RHCE: variants seen among roughly 807,000 people sequenced by gnomAD.
RHCE encodes the protein Rh blood group CcEe antigens, also known as blood group Rh(CE) polypeptide.
RHCE carries 22 observed loss-of-function variants against 43.8 expected under a neutral mutation model. The ratio of observed to expected loss-of-function variants is 0.50; its 90% CI spans 0.36 to 0.72. RHCE has a LOEUF of 0.72. RHCE is among the 30% of genes least tolerant of loss of function. RHCE has a pLI of 0.00. For missense variants in RHCE, 385 were observed against 525.4 expected (o/e 0.73, Z 2.61); for synonymous variants, 156 against 210.7 (o/e 0.74, Z 2.25).
At chr1:25,401,388 C>T (rs927045863) in intron 3 of RHCE, among the ~76,000 whole-genome samples, 44 of 152,144 alleles carry the variant, frequency 2.9e-4, no homozygotes, top group Admixed American at 8.5e-4. Context: ...TTCTTCTAAG[C>T]CAGGCTGGAA....
intron 3 of RHCE, among the ~76,000 whole-genome samples, chr1:25,395,615 G>A (rs963669993): frequency 2.0e-5 from 3 of 152,058 alleles, no homozygotes; most frequent in Middle Eastern, 3.4e-3. Context: ...GAAAGCTCTG[G>A]TGACATTTTC....
intron 3 of RHCE, chr1:25,399,295 A>C (rs532870745): frequency 1.2e-6 from 1 of 832,756 alleles, no homozygotes; most frequent in East Asian, 2.5e-5. Context: ...AATAACAGAT[A>C]AGTCCATTGG....
chr1:25,412,157 G>A (rs1178521881), intron 1 of RHCE, among the ~76,000 whole-genome samples: 5 of 152,190 alleles, frequency 3.3e-5, no homozygotes, highest in Non-Finnish European at 5.9e-5. Context: ...CAAACATGCC[G>A]GCAGCAGAGC....
intron 1 of RHCE, among the ~76,000 whole-genome samples, chr1:25,412,579 G>A (rs1647114874): frequency 6.6e-6 from 1 of 152,128 alleles, no homozygotes; most frequent in Non-Finnish European, 1.5e-5. Context: ...GGGCGTGGTG[G>A]CAAGTGCCTG....
chr1:25,380,962 C>T (rs1477349845), intron 7 of RHCE, among the ~76,000 whole-genome samples: 4 of 139,982 alleles, frequency 2.9e-5, no homozygotes, highest in African/African-American at 5.5e-5. Context: ...AGTGCAGTGG[C>T]GCGATCTCGG....
chr1:25,382,364 G>A (rs1646026949), intron 7 of RHCE, among the ~76,000 whole-genome samples: 1 of 149,212 alleles, frequency 6.7e-6, no homozygotes, highest in Admixed American at 6.6e-5. Context: ...CTGGGTGTTG[G>A]TTATGTGGGG....
chr1:25,424,574 G>A (rs1442709268), upstream of RHCE, among the ~76,000 whole-genome samples: 1 of 151,990 alleles, frequency 6.6e-6, no homozygotes, highest in African/African-American at 2.4e-5. Flanking sequence ...TTTTAGTAGA[G>A]ACAGGGTTTC....
intron 1 of RHCE, chr1:25,411,412 G>T (rs1647073336): frequency 2.6e-6 from 4 of 1,550,262 alleles, no homozygotes; most frequent in Non-Finnish European, 3.5e-6. Context: ...CAAAGTCTCA[G>T]AAAAAGTCTT....
At chr1:25,375,298 CGTGGG>C (rs1645748302) in intron 8 of RHCE, 46 bp downstream of exon 8, 1 of 1,568,958 alleles carries the variant, frequency 6.4e-7, no homozygotes, top group Admixed American at 1.7e-5. Context: ...GCGCTCTGGA[CGTGGG>C]TGCTGTGTCC....
At position 25,385,834 on chromosome 1, in the gene RHCE, T is replaced by C. The variant is rs1646139024; in HGVS notation, c.950A>G (p.Asn317Ser). 6.2e-7 allele frequency: 1 copy of C among 1,613,976 alleles called. No individual in the cohort carries two copies. Among genetic ancestry groups the C allele is most frequent in the East Asian group, 2.2e-5 (1 of 44,850 alleles). Reference sequence around the variant, plus strand: ...GATGTGGTGAATCCCCAGCACTCGGTTACAACACACCTGTGGACAAGTGTT... The same window carrying C: ...GATGTGGTGAATCCCCAGCACTCGGCTACAACACACCTGTGGACAAGTGTT... ...GGAKCLPVCC[N>S]RVLGIHHISV... The change falls in exon 7 of 10, where the codon AAC (asparagine) becomes AGC (serine). Residue 317 changes from asparagine (N) to serine (S), a missense_variant. Transcript: ENST00000294413.
At chr1:25,427,657 G>A (rs1238314516) in intron 2 of RHCE, among the ~76,000 whole-genome samples, 1 of 152,210 alleles carries the variant, frequency 6.6e-6, no homozygotes, top group Non-Finnish European at 1.5e-5. Flanking sequence ...CTCTCCTTGG[G>A]TCTTGGCAAG....
chr1:25,400,511 G>A (rs1160625018), intron 3 of RHCE, among the ~76,000 whole-genome samples: 1 of 150,952 alleles, frequency 6.6e-6, no homozygotes, highest in African/African-American at 2.4e-5. Context: ...GGGTGTTCTA[G>A]GACTCAGTCC....
intron 3 of RHCE, among the ~76,000 whole-genome samples, chr1:25,400,486 C>G: frequency 6.6e-6 from 1 of 151,186 alleles, no homozygotes; most frequent in Non-Finnish European, 1.5e-5. Flanking sequence ...ACACATGTCC[C>G]CCCTCTAAAA....
At position 25,367,970 on chromosome 1, in the gene RHCE, G is replaced by A. The variant is rs145900627; in HGVS notation, c.1227+2497C>T. 3.8e-3 allele frequency among the ~76,000 whole-genome samples: 578 copies of A among 150,484 alleles called. 24 individuals are homozygous for A. Among genetic ancestry groups the A allele is most frequent in the African/African-American group, 0.014 (541 of 40,048 alleles). ...GGTGTGGGTGGCGGAGTGAGACCCTGTCTCAAACAAAAAAATTACAGAAAA... is the reference window on the plus strand; with the variant it reads ...GGTGTGGGTGGCGGAGTGAGACCCTATCTCAAACAAAAAAATTACAGAAAA... On this transcript the variant is annotated intron_variant, in intron 9 of 9. Coordinates refer to ENST00000294413, the MANE Select transcript of RHCE (RefSeq NM_020485.8).
At chr1:25,402,560 T>C (rs1238659655) in intron 3 of RHCE, 36 bp downstream of exon 3, 2 of 1,613,966 alleles carry the variant, frequency 1.2e-6, no homozygotes, top group Non-Finnish European at 1.7e-6. Flanking sequence ...TTTGGCCCTT[T>C]TCTCCCAGGT....
chr1:25,392,009 A>G lies in RHCE; in HGVS notation c.619T>C (p.Leu207=). 6.2e-7 allele frequency: 1 copy of G among 1,614,106 alleles called. No homozygotes were observed. Among genetic ancestry groups the G allele is most frequent in the African/African-American group, 1.3e-5 (1 of 75,022 alleles). ...DNDQRATIPS[L]SAMLGALFLW... is the part of the protein sequence containing the mutation. The stretch of plus-strand genomic sequence containing the variant: ...TTGTCCTTACCCAGCATGGCAGACA[A>G]ACTGGGTATCGTTGCTCTCTGATCA... Residue 207 remains leucine, a synonymous_variant, in exon 4 of 10, where the codon TTG becomes CTG. Coordinates refer to ENST00000294413, the MANE Select transcript of RHCE (RefSeq NM_020485.8).
At position 25,392,147 on chromosome 1, in the gene RHCE, A is replaced by G. The variant is rs762006807; in HGVS notation, c.487-6T>C. 14 of 1,614,038 alleles carry G rather than the reference A, an allele frequency of 8.7e-6. 1 individual carries two copies. In the East Asian group the frequency reaches 2.0e-4, roughly 23 times the overall value. ...AGGTTCATGTGGTAGTCTGTCTGCA[A>G]TAAAACCCAGTAAGAGCAGTGAGTG... is the stretch of plus-strand genomic sequence containing the variant. On this transcript the variant is annotated splice_region_variant and splice_polypyrimidine_tract_variant and intron_variant, in intron 3 of 9. Coordinates refer to ENST00000294413, the MANE Select transcript of RHCE (RefSeq NM_020485.8).
At position 25,362,285 on chromosome 1, in the gene RHCE, C is replaced by A; in HGVS notation, c.*242G>T. On this transcript the variant is annotated 3_prime_UTR_variant, in exon 10 of 10. Transcript: ENST00000294413. Reference sequence around the variant, plus strand: ...CAAAACTTTAATAATGTGTCTGTAACCAAGAAAATATTGATAGCATCATCC... The same window carrying A: ...CAAAACTTTAATAATGTGTCTGTAAACAAGAAAATATTGATAGCATCATCC... 2.3e-6 allele frequency: 2 copies of A among 868,312 alleles called. No individual in the cohort carries two copies. Among genetic ancestry groups the A allele is most frequent in the South Asian group, 1.8e-5 (1 of 55,664 alleles). The allele number at this position is 868,312 out of a possible 1,614,324, so 53.8% of individuals were successfully genotyped here.
upstream of RHCE, among the ~76,000 whole-genome samples, chr1:25,422,822 T>C (rs1384135544): frequency 6.6e-6 from 1 of 152,144 alleles, no homozygotes; most frequent in Admixed American, 6.5e-5. Context: ...CTGTTCCACC[T>C]CAGATCATCA....
Sources: gnomAD v4.1 joint callset for allele counts (sites outside exome capture counted in the v4.1 genomes callset) on GRCh38, gnomAD v4.1.1 for gene constraint, MANE v1.5 for transcripts, NCBI Gene and HGNC (gene_info 2026-07-23, HGNC 2026-07-21) for gene names.